The following DAP variants were observed in gnomAD, a reference collection of about 807,000 sequenced individuals.
DAP encodes death associated protein.
Under a neutral mutation model 13.8 loss-of-function variants are expected in DAP, and 8 were observed. The ratio of observed to expected loss-of-function variants is 0.58; its 90% CI spans 0.34 to 1.05. The LOEUF (loss-of-function observed/expected upper bound fraction) is 1.05, where lower values mean the gene tolerates loss of function less well. Ranked by LOEUF, DAP falls within the 50% of genes least tolerant of loss-of-function variation. The pLI is 0.03. For synonymous variants in DAP, 47 were observed against 47.5 expected, an observed-to-expected ratio of 0.99 and a Z score of 0.04; for missense variants, 106 against 133.2, an observed-to-expected ratio of 0.80 and a Z score of 1.01.
Position 10,748,160 on chromosome 5 carries a change from C to A in DAP, c.152+15G>T. On this transcript the variant is annotated intron_variant, in intron 2 of 3. Coordinates refer to ENST00000230895, the MANE Select transcript of DAP (RefSeq NM_004394.3). ...TTTTGGAAAACATGCTCAAGAGTCG[C>A]TAGCATCATCCCACCTGGGGCTTTC... 1 of 1,574,906 alleles carries A rather than the reference C, an allele frequency of 6.3e-7. No homozygotes were observed. Among genetic ancestry groups the A allele is most frequent in the South Asian group, 1.1e-5 (1 of 90,336 alleles).
At chr5:10,701,811 A>G (rs1202867522) in intron 2 of DAP, among the ~76,000 whole-genome samples, 2 of 152,194 alleles carry the variant, frequency 1.3e-5, no homozygotes, top group Non-Finnish European at 2.9e-5. Flanking sequence ...CTCTCAAAGC[A>G]TGTCAGACTA....
At chr5:10,740,994 T>C (rs948017257) in intron 2 of DAP, among the ~76,000 whole-genome samples, 1 of 152,226 alleles carries the variant, frequency 6.6e-6, no homozygotes, top group African/African-American at 2.4e-5. Flanking sequence ...TACACTGGCA[T>C]GTAGAGCTGA....
chr5:10,724,637 T>A (rs1440196944), intron 2 of DAP, among the ~76,000 whole-genome samples: 1 of 152,194 alleles, frequency 6.6e-6, no homozygotes, highest in Non-Finnish European at 1.5e-5. Flanking sequence ...CTAAATTGCT[T>A]AAGAGTCATA....
Position 10,688,643 on chromosome 5 carries a change from G to A in DAP, c.153-5072C>T, listed in dbSNP as rs12513896. The stretch of plus-strand genomic sequence containing the variant: ...CACTTGTACTTCTGTATTACTGTAC[G>A]TGTGTATTTATAAAGATTGACACAC... On this transcript the variant is annotated intron_variant, in intron 2 of 3. Coordinates refer to ENST00000230895, the MANE Select transcript of DAP (RefSeq NM_004394.3). Among the ~76,000 whole-genome samples, 305 of 151,826 alleles carry A rather than the reference G, an allele frequency of 2.0e-3. 1 individual carries two copies. Among genetic ancestry groups the A allele is most frequent in the African/African-American group, 6.9e-3 (287 of 41,490 alleles).
chr5:10,690,604 G>T (rs1738284117), intron 2 of DAP, among the ~76,000 whole-genome samples: 2 of 152,138 alleles, frequency 1.3e-5, no homozygotes, highest in South Asian at 4.1e-4. Context: ...TATTGTCAAG[G>T]TTCATTTATG....
At chr5:10,730,844 G>C (rs1407088102) in intron 2 of DAP, among the ~76,000 whole-genome samples, 2 of 128,052 alleles carry the variant, frequency 1.6e-5, no homozygotes, top group Admixed American at 7.7e-5. Flanking sequence ...CTGGTGGGGG[G>C]GAAATCTTTC....
At chr5:10,714,019 T>TGG (rs1738919517) in intron 2 of DAP, among the ~76,000 whole-genome samples, 1 of 152,230 alleles carries the variant, frequency 6.6e-6, no homozygotes, top group Admixed American at 6.5e-5. Context: ...AAAGGGCATA[T>TGG]GGGGTGTAGA....
At chr5:10,723,992 G>GA (rs1316739111) in intron 2 of DAP, among the ~76,000 whole-genome samples, 6 of 152,072 alleles carry the variant, frequency 3.9e-5, no homozygotes, top group African/African-American at 9.7e-5. Flanking sequence ...TTTGGGTGCA[G>GA]AAAAAAACAT....
chr5:10,728,962 T>C (rs763557815), intron 2 of DAP, among the ~76,000 whole-genome samples: 7 of 152,216 alleles, frequency 4.6e-5, no homozygotes, highest in Non-Finnish European at 5.9e-5. Context: ...TTTCCACCTA[T>C]CGAAATTCTA....
At chr5:10,681,568 G>A (rs1738002649) in intron 3 of DAP, among the ~76,000 whole-genome samples, 1 of 150,354 alleles carries the variant, frequency 6.7e-6, no homozygotes, top group East Asian at 2.0e-4. Context: ...AGGAAGCATG[G>A]TGTTTGTGGG....
At chr5:10,684,765 G>A (rs1175030968) in intron 2 of DAP, among the ~76,000 whole-genome samples, 1 of 152,138 alleles carries the variant, frequency 6.6e-6, no homozygotes, top group Non-Finnish European at 1.5e-5. Context: ...GACACAGTTT[G>A]AGGTAGTGGA....
intron 1 of DAP, among the ~76,000 whole-genome samples, chr5:10,749,218 AT>A (rs1739984590): frequency 6.6e-6 from 1 of 152,208 alleles, no homozygotes; most frequent in African/African-American, 2.4e-5. Context: ...TCAATTAGAC[AT>A]TTGCGTTGTT....
chr5:10,754,703 G>T (rs1360259299), intron 1 of DAP, among the ~76,000 whole-genome samples: 1 of 152,172 alleles, frequency 6.6e-6, no homozygotes, highest in East Asian at 1.9e-4. Context: ...GTGCAGGGAG[G>T]CTGATTCAAA....
At chr5:10,681,629 G>A (rs1738005724) in intron 3 of DAP, among the ~76,000 whole-genome samples, 1 of 149,678 alleles carries the variant, frequency 6.7e-6, no homozygotes, top group Non-Finnish European at 1.5e-5. Flanking sequence ...GAAGCATGGT[G>A]TTTGTGGGTG....
intron 1 of DAP, among the ~76,000 whole-genome samples, chr5:10,754,874 G>C (rs747165749): frequency 6.6e-6 from 1 of 152,202 alleles, no homozygotes; most frequent in East Asian, 1.9e-4. Context: ...CAATAGTATG[G>C]GGAAAAGTGA....
At position 10,687,786 on chromosome 5, in the gene DAP, T is replaced by C. The variant is rs77273969; in HGVS notation, c.153-4215A>G. Reference sequence around the variant, plus strand: ...GGGTTTGAGATGACTGACTCCATTTTTGAAAGAAGTTCTACCATGGGTAAA... The same window carrying C: ...GGGTTTGAGATGACTGACTCCATTTCTGAAAGAAGTTCTACCATGGGTAAA... On this transcript the variant is annotated intron_variant, in intron 2 of 3. Coordinates refer to ENST00000230895, the MANE Select transcript of DAP (RefSeq NM_004394.3). Among the ~76,000 whole-genome samples the C allele has an allele frequency of 3.1e-3, 472 of 152,364 alleles. 1 individual carries two copies. The highest frequency in any genetic ancestry group is 0.021 in the South Asian group (100 of 4,828).
At chr5:10,735,208 G>A (rs1194618490) in intron 2 of DAP, among the ~76,000 whole-genome samples, 2 of 152,140 alleles carry the variant, frequency 1.3e-5, no homozygotes, top group South Asian at 2.1e-4. Context: ...TCTGGAGGCC[G>A]AAGTTAATCT....
At chr5:10,728,466 A>G (rs1410016028) in intron 2 of DAP, among the ~76,000 whole-genome samples, 1 of 152,218 alleles carries the variant, frequency 6.6e-6, no homozygotes, top group Non-Finnish European at 1.5e-5. Flanking sequence ...GACCAAGACT[A>G]TGTTCTTTTG....
intron 1 of DAP, among the ~76,000 whole-genome samples, chr5:10,757,378 G>C (rs1018137798): frequency 1.3e-5 from 2 of 152,042 alleles, no homozygotes; most frequent in African/African-American, 4.8e-5. Context: ...AGGTTCAAGC[G>C]ATTTTCCTGC....
Sources: allele counts gnomAD v4.1 joint callset (sites outside exome capture counted in the v4.1 genomes callset), GRCh38; gene constraint gnomAD v4.1.1; transcripts MANE v1.5; gene names NCBI Gene and HGNC (gene_info 2026-07-23, HGNC 2026-07-21).